The following USP30 variants were observed in gnomAD, a reference collection of about 807,000 sequenced individuals.
USP30 encodes the protein ubiquitin specific peptidase 30.
Under a neutral mutation model 68.2 loss-of-function variants are expected in USP30, and 41 were observed. The observed-to-expected ratio is 0.60, with a 90% CI of 0.47 to 0.78. The LOEUF is 0.78. Among genes scored for constraint, USP30 ranks in the 30% least tolerant of loss-of-function variants. The pLI, the probability that USP30 is intolerant of heterozygous loss-of-function variation, is 0.00. For synonymous variants in USP30, 229 were observed against 253.7 expected, an observed-to-expected ratio of 0.90 and a Z score of 0.93; for missense variants, 522 against 649.4, an observed-to-expected ratio of 0.80 and a Z score of 2.13.
At chr12:109,047,231 A>G (rs1323226515) in intron 3 of USP30, among the ~76,000 whole-genome samples, 1 of 151,860 alleles carries the variant, frequency 6.6e-6, no homozygotes, top group Admixed American at 6.6e-5. Context: ...CACCTAAGAG[A>G]CGATGTTTAC....
chr12:109,043,090 G>A (rs2040575793), intron 3 of USP30, among the ~76,000 whole-genome samples: 1 of 152,122 alleles, frequency 6.6e-6, no homozygotes, highest in Admixed American at 6.6e-5. Context: ...ATTGCTGAAA[G>A]AAATTAAAGA....
intron 2 of USP30, among the ~76,000 whole-genome samples, chr12:109,025,355 G>A (rs1403630454): frequency 2.0e-5 from 3 of 151,766 alleles, no homozygotes; most frequent in East Asian, 3.9e-4. Context: ...TATATTATAT[G>A]AAGATATTAT....
intron 11 of USP30, among the ~76,000 whole-genome samples, chr12:109,083,541 C>T (rs954302068): frequency 3.3e-5 from 5 of 152,090 alleles, no homozygotes; most frequent in African/African-American, 9.6e-5. Flanking sequence ...TCATTTAAGC[C>T]GGGTAGCTAT....
chr12:109,067,927 G>C (rs2041311763), intron 4 of USP30, among the ~76,000 whole-genome samples: 1 of 152,160 alleles, frequency 6.6e-6, no homozygotes. Context: ...GGGACACCTG[G>C]GTTCTTTAGA....
intron 3 of USP30, 69 bp downstream of exon 3, chr12:109,058,177 T>C (rs1015259947): frequency 3.5e-6 from 5 of 1,443,348 alleles, no homozygotes; most frequent in Middle Eastern, 4.3e-4. Context: ...GAGACTCTTA[T>C]AACAAAGAGT....
intron 2 of USP30, 51 bp downstream of exon 2, chr12:109,056,842 G>A: frequency 3.0e-6 from 4 of 1,333,882 alleles, no homozygotes; most frequent in Non-Finnish European, 4.1e-6. Context: ...CCAGATCCCT[G>A]TTATCTGAAA....
At chr12:109,032,537 G>A (rs1333409238) in intron 3 of USP30, among the ~76,000 whole-genome samples, 1 of 152,188 alleles carries the variant, frequency 6.6e-6, no homozygotes, top group Non-Finnish European at 1.5e-5. Context: ...AAACAATCCA[G>A]ACATAGAAGG....
chr12:109,026,985 A>G (rs561725142), intron 2 of USP30, among the ~76,000 whole-genome samples: 3 of 152,292 alleles, frequency 2.0e-5, no homozygotes, highest in African/African-American at 4.8e-5. Context: ...CCCCACCTGC[A>G]TGACCTTCTG....
intron 3 of USP30, among the ~76,000 whole-genome samples, chr12:109,033,642 A>C (rs2040497781): frequency 6.6e-6 from 1 of 152,102 alleles, no homozygotes; most frequent in African/African-American, 2.4e-5. Flanking sequence ...AAAGTGGGGG[A>C]ATAAAACATT....
intron 3 of USP30, among the ~76,000 whole-genome samples, chr12:109,043,269 G>T (rs1384806090): frequency 1.3e-5 from 2 of 152,102 alleles, no homozygotes; most frequent in Non-Finnish European, 2.9e-5. Context: ...ACTCTCAAGG[G>T]ACCCCAAATA....
Position 109,085,774 on chromosome 12 carries a change from C to G in USP30, c.1397C>G (p.Pro466Arg). The G allele has an allele frequency of 6.2e-7, 1 of 1,614,232 alleles. No homozygotes were observed. The highest frequency in any genetic ancestry group is 8.5e-7 in the Non-Finnish European group (1 of 1,180,040). Residue 466 changes from proline (P) to arginine (R), a missense_variant, in exon 13 of 13, where the codon CCT becomes CGT. Pro to Arg is a moderately radical substitution (Grantham distance 103). Transcript: ENST00000257548. ...CGGTCCCCACCTTCTGCCAGGAACC[C>G]TCTCTCAACTAGCAATCAGTGGCTG... ...YRRSPPSARN[P>R]LSTSNQWLWV... is the part of the protein sequence containing the mutation.
chr12:109,031,643 C>T (rs955958571), intron 3 of USP30, among the ~76,000 whole-genome samples: 2 of 152,158 alleles, frequency 1.3e-5, no homozygotes, highest in Non-Finnish European at 2.9e-5. Context: ...TGTGGTCTAT[C>T]CATGCAATGG....
At position 109,081,999 on chromosome 12, in the gene USP30, G is replaced by T; in HGVS notation, c.847G>T (p.Val283Leu). 6.2e-7 allele frequency: 1 copy of T among 1,614,214 alleles called. No homozygotes were observed. Among genetic ancestry groups the T allele is most frequent in the South Asian group, 1.1e-5 (1 of 91,084 alleles). ...FISSESVRDVVCDNCTKIEAK... is the reference protein window; with the variant it reads ...FISSESVRDVLCDNCTKIEAK... ...CTCATCAGAATCAGTGCGGGATGTT[G>T]TGTGTGACAACTGTACAAAGGTATG... Residue 283 changes from valine (V) to leucine (L), a missense_variant, in exon 9 of 13, where the codon GTG becomes TTG. Physicochemically the swap from Val to Leu is conservative, Grantham distance 32. Coordinates refer to ENST00000257548, the MANE Select transcript of USP30 (RefSeq NM_032663.5).
chr12:109,085,205 C>A, intron 12 of USP30, 132 bp downstream of exon 12: 1 of 1,053,750 alleles, frequency 9.5e-7, no homozygotes, highest in Non-Finnish European at 1.3e-6. Flanking sequence ...TTCACGATTA[C>A]ACATTCCTAT....
At position 109,073,271 on chromosome 12, in the gene USP30, G is replaced by A. The variant is rs569662110; in HGVS notation, c.626-167G>A. Among the ~76,000 whole-genome samples, 37 of 152,288 alleles carry A rather than the reference G, an allele frequency of 2.4e-4. 2 individuals carry two copies. In the South Asian group the frequency reaches 5.0e-3, roughly 20 times the overall value. ...TGTGTAAATTCTCCTATGAAGGAAT[G>A]GGATGTCTTTTGGATGGAAGTCAAT... On this transcript the variant is annotated intron_variant, in intron 6 of 12. Transcript: ENST00000257548.
intron 2 of USP30, among the ~76,000 whole-genome samples, chr12:109,057,232 G>T (rs1172186951): frequency 6.6e-6 from 1 of 151,752 alleles, no homozygotes; most frequent in Admixed American, 6.6e-5. Context: ...TGAAAGTGTG[G>T]CTCTATGTAA....
rs544936938 is a variant in USP30, at chr12:109,070,515, G to C, written c.481-1097G>C. On this transcript the variant is annotated intron_variant, in intron 4 of 12. Coordinates refer to ENST00000257548, the MANE Select transcript of USP30 (RefSeq NM_032663.5). The surrounding 1 kb of genome is among the most constrained non-coding windows in gnomAD (Gnocchi z 4.0). The stretch of plus-strand genomic sequence containing the variant: ...GGGGCCGGGACATTGTGAATGTTGG[G>C]GGCTTTGTAGGCCAGATAAGAATGG... 6.6e-6 allele frequency among the ~76,000 whole-genome samples: 1 copy of C among 152,316 alleles called. No homozygotes were observed. Among genetic ancestry groups the C allele is most frequent in the African/African-American group, 2.4e-5 (1 of 41,556 alleles).
At chr12:109,058,288 A>G (rs1308980505) in intron 3 of USP30, among the ~76,000 whole-genome samples, 180 bp downstream of exon 3, 1 of 152,186 alleles carries the variant, frequency 6.6e-6, no homozygotes, top group East Asian at 1.9e-4. Context: ...TCAAAGATGG[A>G]GGCCGGGTGC....
chr12:109,053,883 G>C (rs1180839073), intron 1 of USP30: 2 of 377,156 alleles, frequency 5.3e-6, no homozygotes, highest in African/African-American at 4.2e-5. Context: ...TTTCCATCTT[G>C]AACTTCGTGG....
Sources: allele counts gnomAD v4.1 joint callset (sites outside exome capture counted in the v4.1 genomes callset), GRCh38; gene constraint gnomAD v4.1.1; non-coding constraint Gnocchi (gnomAD v3.1); transcripts MANE v1.5; gene names NCBI Gene and HGNC (gene_info 2026-07-23, HGNC 2026-07-21).